PSRC1: variants seen among roughly 807,000 people sequenced by gnomAD.
PSRC1 encodes the protein proline/serine-rich coiled-coil protein 1.
PSRC1 carries 30 observed loss-of-function variants against 31.9 expected under a neutral mutation model. The ratio of observed to expected loss-of-function variants is 0.94; its 90% CI spans 0.70 to 1.28. The LOEUF (loss-of-function observed/expected upper bound fraction) is 1.28, where lower values mean the gene tolerates loss of function less well. Ranked by LOEUF, PSRC1 falls within the 50% of genes most tolerant of loss-of-function variation. The pLI, the probability that PSRC1 is intolerant of heterozygous loss-of-function variation, is 0.00. For synonymous variants in PSRC1, 191 were observed against 192.1 expected (o/e 0.99, Z 0.05); for missense variants, 481 against 472.8 (o/e 1.02, Z -0.16).
chr1:109,280,249 G>T, intron 6 of PSRC1, 93 bp from the exon 8 acceptor site: 1 of 1,505,096 alleles, frequency 6.6e-7, no homozygotes, highest in Non-Finnish European at 9.2e-7. Context: ...AGGGTGGGAA[G>T]AAATGGGATC....
At chr1:109,282,693 C>G (rs1230291042) in exon 2 of PSRC1, 17 of 1,555,378 alleles carry the variant, frequency 1.1e-5, no homozygotes, top group Non-Finnish European at 1.4e-5. Flanking sequence ...CCTCCAAATC[C>G]TCCATGTCCA....
At chr1:109,281,024 G>A (rs374362431) in exon 5 of PSRC1, 14 of 1,612,516 alleles carry the variant, frequency 8.7e-6, no homozygotes, top group African/African-American at 5.3e-5. Flanking sequence ...GGGCCAGGAC[G>A]GATCTGATGG....
rs201388996 is a variant in PSRC1 at position 109,280,354 on chromosome 1, C to T, written c.1088+42G>A. 3.5e-4 allele frequency: 534 copies of T among 1,518,960 alleles called. 1 individual carries two copies. Among genetic ancestry groups the T allele is most frequent in the Admixed American group, 3.0e-4 (17 of 57,350 alleles). The allele number at this position is 1,518,960 out of a possible 1,614,324, so 94.1% of individuals were successfully genotyped here. On this transcript the variant is annotated intron_variant, in intron 6 of 6. Coordinates refer to ENST00000409138, the Ensembl canonical transcript of PSRC1. ...AACAGCTTGGAATCCCAGATGATGG[C>T]GGGGTAGGGAGACAGGATGGGCAAG...
In PSRC1 at chr1:109,281,159, CCCGGCTCT is replaced by C. The variant is rs1337158593; in HGVS notation, c.604_611del (p.Arg202AlafsTer9). ...CACTGGCTGCTGCTCTCCCACTGGG[CCCGGCTCT>C]CCCCCGGACTGGGGGAGTCGATCGG... On this transcript the variant is annotated frameshift_variant, in exon 5 of 7. Transcript: ENST00000409138. LOFTEE classifies it high-confidence loss of function. The C allele has an allele frequency of 1.5e-5, 25 of 1,613,402 alleles. No individual in the cohort carries two copies. Among genetic ancestry groups the C allele is most frequent in the Non-Finnish European group, 2.1e-5 (25 of 1,179,770 alleles).
At position 109,282,612 on chromosome 1, in the gene PSRC1, C is replaced by T. The variant is rs369549511; in HGVS notation, c.20-37G>A. The T allele has an allele frequency of 1.9e-6, 3 of 1,610,858 alleles. No homozygotes were observed. In the African/African-American group the frequency reaches 4.0e-5, roughly 22 times the overall value. The stretch of plus-strand genomic sequence containing the variant: ...AGAAGAATGAAAGCCAGTCATGGGT[C>T]CCTGATGCAGCTCTCCATCGCTGGG... On this transcript the variant is annotated intron_variant, in intron 2 of 6. Transcript: ENST00000409138.
chr1:109,282,174 G>A (rs975709604), intron 3 of PSRC1, 114 bp from the exon 4 acceptor site: 10 of 974,972 alleles, frequency 1.0e-5, no homozygotes, highest in African/African-American at 1.6e-5. Flanking sequence ...CCTAGGCCCC[G>A]ATGCCCATGC....
At chr1:109,280,918 T>G (rs1656967489) in exon 5 of PSRC1, 1 of 1,613,802 alleles carries the variant, frequency 6.2e-7, no homozygotes, top group Non-Finnish European at 8.5e-7. Context: ...CTGGCAGGCC[T>G]GGGGATGGCC....
chr1:109,281,724 G>T, exon 4 of PSRC1: 1 of 1,613,978 alleles, frequency 6.2e-7, no homozygotes, highest in South Asian at 1.1e-5. Flanking sequence ...TTGGGGAGGG[G>T]GTGCTCCGCG....
intron 5 of PSRC1, 113 bp downstream of exon 6, chr1:109,280,664 C>G: frequency 9.9e-7 from 1 of 1,013,684 alleles, no homozygotes; most frequent in Non-Finnish European, 1.4e-6. Flanking sequence ...ACTCAGTCTC[C>G]CCATCTTCCA....
intron 4 of PSRC1, 34 bp downstream of exon 4, chr1:109,281,584 TG>T: frequency 6.4e-7 from 1 of 1,557,886 alleles, no homozygotes; most frequent in Non-Finnish European, 8.8e-7. Flanking sequence ...ACACCATGTC[TG>T]GGGCACACCT....
intron 5 of PSRC1, 24 bp from the exon 7 acceptor site, chr1:109,280,513 A>G: frequency 6.3e-7 from 1 of 1,585,688 alleles, no homozygotes. Context: ...AACAAAAGAA[A>G]TGAGTTAGCA....
chr1:109,281,804 G>A (rs1657172684), exon 4 of PSRC1: 1 of 1,614,084 alleles, frequency 6.2e-7, no homozygotes, highest in Non-Finnish European at 8.5e-7. Flanking sequence ...TCCCGCCGAG[G>A]ACTGGGCTTC....
chr1:109,281,893 T>C, exon 4 of PSRC1: 1 of 1,611,586 alleles, frequency 6.2e-7, no homozygotes, highest in Non-Finnish European at 8.5e-7. Context: ...GGCCAGCCGG[T>C]TGGCCTCATC....
chr1:109,280,618 G>A, intron 5 of PSRC1, 129 bp from the exon 7 acceptor site: 1 of 949,960 alleles, frequency 1.1e-6, no homozygotes, highest in South Asian at 1.7e-5. Context: ...TGAAAACTAA[G>A]ACTCAGACTC....
chr1:109,280,515 G>T (rs1557745715), intron 5 of PSRC1, 26 bp from the exon 7 acceptor site: 1 of 1,581,684 alleles, frequency 6.3e-7, no homozygotes, highest in South Asian at 1.1e-5. Context: ...CAAAAGAAAT[G>T]AGTTAGCAGC....
At chr1:109,280,033 A>T in exon 7 of PSRC1, 2 of 1,341,372 alleles carry the variant, frequency 1.5e-6, no homozygotes, top group Non-Finnish European at 2.1e-6. Flanking sequence ...CCCTGGTGGC[A>T]TCTCTTCCTC....
exon 4 of PSRC1, chr1:109,282,052 T>A: frequency 6.7e-7 from 1 of 1,490,744 alleles, no homozygotes; most frequent in Non-Finnish European, 8.9e-7. Flanking sequence ...TATGTCTTCC[T>A]CCTCACGGCT....
At chr1:109,280,917 C>G in exon 5 of PSRC1, 1 of 1,614,046 alleles carries the variant, frequency 6.2e-7, no homozygotes, top group African/African-American at 1.3e-5. Context: ...GCTGGCAGGC[C>G]TGGGGATGGC....
chr1:109,281,153 A>T, exon 5 of PSRC1: 1 of 1,613,328 alleles, frequency 6.2e-7, no homozygotes, highest in Middle Eastern at 1.6e-4. Flanking sequence ...CTGCTCTCCC[A>T]CTGGGCCCGG....
Sources: gnomAD v4.1 joint callset for allele counts on GRCh38, gnomAD v4.1.1 for gene constraint, MANE v1.5 for transcripts, NCBI Gene and HGNC (gene_info 2026-07-23, HGNC 2026-07-21) for gene names.